The following NLN variants were observed in gnomAD, a reference collection of about 807,000 sequenced individuals.
NLN encodes neurolysin, mitochondrial.
NLN carries 64 observed loss-of-function variants against 79.9 expected under a neutral mutation model. The observed-to-expected ratio is 0.80, with a 90% CI of 0.65 to 0.99. The LOEUF (loss-of-function observed/expected upper bound fraction) is 0.99, where lower values mean the gene tolerates loss of function less well. NLN is among the 50% of genes least tolerant of loss of function. The pLI is 0.00. For synonymous variants in NLN, 267 were observed against 296.6 expected (o/e 0.90, Z 1.02); for missense variants, 835 against 858.7 (o/e 0.97, Z 0.34).
At chr5:65,758,191 A>G (rs936119712) in intron 1 of NLN, among the ~76,000 whole-genome samples, 2 of 152,146 alleles carry the variant, frequency 1.3e-5, no homozygotes, top group African/African-American at 4.8e-5. Context: ...AGCTATGATC[A>G]CATCACTGCA....
At chr5:65,783,517 CT>C (rs1759850169) in intron 6 of NLN, among the ~76,000 whole-genome samples, 1 of 152,034 alleles carries the variant, frequency 6.6e-6, no homozygotes, top group East Asian at 1.9e-4. Context: ...CCACAGCTGG[CT>C]TTGAGGAAGG....
intron 1 of NLN, among the ~76,000 whole-genome samples, chr5:65,749,164 T>C (rs1266060516): frequency 6.6e-6 from 1 of 152,224 alleles, no homozygotes; most frequent in Non-Finnish European, 1.5e-5. Context: ...TTTTTCCTTA[T>C]AAATTATCCA....
chr5:65,804,476 A>G (rs1212150024), intron 9 of NLN, among the ~76,000 whole-genome samples: 1 of 152,170 alleles, frequency 6.6e-6, no homozygotes, highest in Non-Finnish European at 1.5e-5. Context: ...TGTTTTTCCA[A>G]CAGCATGTGC....
At chr5:65,770,366 A>T (rs181690421) in intron 3 of NLN, among the ~76,000 whole-genome samples, 1 of 152,226 alleles carries the variant, frequency 6.6e-6, no homozygotes, top group Non-Finnish European at 1.5e-5. Context: ...TGGGCAAATG[A>T]TATGTAGAAA....
chr5:65,808,208 T>G lies in NLN; in HGVS notation c.1528-1307T>G, dbSNP rs370188741. On this transcript the variant is annotated intron_variant, in intron 9 of 12. Transcript: ENST00000380985. Reference sequence around the variant, plus strand: ...TTATAATGAGAAATCAAGCAAAACATTTTTTTGCATAAAGAGAGGAAGGCA... The same window carrying G: ...TTATAATGAGAAATCAAGCAAAACAGTTTTTTGCATAAAGAGAGGAAGGCA... Among the ~76,000 whole-genome samples the G allele has an allele frequency of 8.5e-5, 13 of 152,242 alleles. No homozygotes were observed. The East Asian group carries it at 1.5e-3, about 18-fold the overall frequency.
In NLN at chr5:65,788,337, T is replaced by G; in HGVS notation, c.1178T>G (p.Leu393Trp). ...YFPIEVVTEG[L>W]LNTYQELLGL... ...CCAATTGAGGTGGTCACTGAAGGCT[T>G]GCTGAACACCTACCAGGAGTTGTTG... Residue 393 changes from leucine to tryptophan, a missense_variant, in exon 8 of 13, where the codon TTG becomes TGG. Transcript: ENST00000380985. The G allele has an allele frequency of 6.2e-7, 1 of 1,614,178 alleles. No individual in the cohort carries two copies. The highest frequency in any genetic ancestry group is 1.1e-5 in the South Asian group (1 of 91,090).
intron 3 of NLN, among the ~76,000 whole-genome samples, chr5:65,775,166 A>G (rs1327649110): frequency 6.6e-6 from 1 of 152,170 alleles, no homozygotes; most frequent in African/African-American, 2.4e-5. Context: ...TCATATCCTG[A>G]ATGTATTTTA....
At chr5:65,804,745 G>T (rs1309746014) in intron 9 of NLN, among the ~76,000 whole-genome samples, 1 of 152,132 alleles carries the variant, frequency 6.6e-6, no homozygotes, top group Non-Finnish European at 1.5e-5. Context: ...GGGCCAAGCT[G>T]ATCTTGATCT....
intron 12 of NLN, among the ~76,000 whole-genome samples, chr5:65,815,637 G>T (rs1760653377): frequency 6.6e-6 from 1 of 152,040 alleles, no homozygotes; most frequent in South Asian, 2.1e-4. Context: ...AATGGACCTG[G>T]CTCCAAAAGC....
At chr5:65,779,340 G>A (rs1759748654) in intron 4 of NLN, among the ~76,000 whole-genome samples, 1 of 152,036 alleles carries the variant, frequency 6.6e-6, no homozygotes, top group Admixed American at 6.6e-5. Flanking sequence ...AGAAGAATGG[G>A]ACAGATTAAT....
intron 1 of NLN, among the ~76,000 whole-genome samples, chr5:65,728,978 G>A (rs1318232978): frequency 6.6e-6 from 1 of 151,990 alleles, no homozygotes; most frequent in East Asian, 1.9e-4. Flanking sequence ...CGAGTAGCTG[G>A]GACTACAGGT....
chr5:65,786,958 C>T (rs1216253242), intron 7 of NLN, among the ~76,000 whole-genome samples: 1 of 152,168 alleles, frequency 6.6e-6, no homozygotes, highest in Non-Finnish European at 1.5e-5. Flanking sequence ...GGTAATTACT[C>T]TACAGTCTGA....
At chr5:65,799,219 T>C (rs1304976755) in intron 9 of NLN, among the ~76,000 whole-genome samples, 1 of 152,198 alleles carries the variant, frequency 6.6e-6, no homozygotes, top group Non-Finnish European at 1.5e-5. Flanking sequence ...ATTGACTATG[T>C]GTCTGACATG....
intron 1 of NLN, among the ~76,000 whole-genome samples, chr5:65,738,281 AG>A (rs1487716302): frequency 6.6e-6 from 1 of 151,058 alleles, no homozygotes; most frequent in African/African-American, 2.4e-5. Flanking sequence ...TATTACTTCC[AG>A]GATAAAAAGG....
intron 8 of NLN, among the ~76,000 whole-genome samples, chr5:65,789,753 A>T (rs529748522): frequency 6.6e-6 from 1 of 152,242 alleles, no homozygotes; most frequent in African/African-American, 2.4e-5. Context: ...AACTCAAAAA[A>T]CATAAATAAA....
intron 12 of NLN, among the ~76,000 whole-genome samples, chr5:65,814,570 T>C (rs1456880895): frequency 6.6e-6 from 1 of 152,150 alleles, no homozygotes; most frequent in Non-Finnish European, 1.5e-5. Context: ...CCTTTGAACA[T>C]ATGAGTGGAC....
intron 1 of NLN, among the ~76,000 whole-genome samples, chr5:65,748,145 G>C (rs565406442): frequency 4.6e-5 from 7 of 152,334 alleles, no homozygotes; most frequent in Admixed American, 3.9e-4. Context: ...AGGTTTCAGT[G>C]AGCCAAGATC....
Position 65,723,814 on chromosome 5 carries a change from C to CAAAAAA in NLN, c.41+1417_41+1422dup, listed in dbSNP as rs760572199. On this transcript the variant is annotated intron_variant, in intron 1 of 12. Transcript: ENST00000380985. Reference sequence around the variant, plus strand: ...TGGGCGACAGAGCAAGACTCCGTCTCAAAAAAAAAAAAAAAAAAAAAAGAA... The same window carrying CAAAAAA: ...TGGGCGACAGAGCAAGACTCCGTCTCAAAAAAAAAAAAAAAAAAAAAAAAAAAAGAA... Among the ~76,000 whole-genome samples the CAAAAAA allele has an allele frequency of 1.2e-3, 66 of 55,276 alleles. 1 individual carries two copies. The highest frequency in any genetic ancestry group is 2.0e-3 in the Non-Finnish European group (55 of 28,034). 36.3% of individuals were successfully genotyped at this position (55,276 alleles called of 152,430 possible).
At chr5:65,795,039 T>C (rs1760144204) in intron 9 of NLN, among the ~76,000 whole-genome samples, 1 of 152,102 alleles carries the variant, frequency 6.6e-6, no homozygotes, top group Non-Finnish European at 1.5e-5. Context: ...CTTTCTTTCT[T>C]AGGTGTTTTT....
Sources: gnomAD v4.1 joint callset for allele counts (sites outside exome capture counted in the v4.1 genomes callset) on GRCh38, gnomAD v4.1.1 for gene constraint, MANE v1.5 for transcripts, NCBI Gene and HGNC (gene_info 2026-07-23, HGNC 2026-07-21) for gene names.